Variants in CARS2 observed in about 807,000 individuals in gnomAD.
CARS2 encodes the protein cysteinyl-tRNA synthetase 2, mitochondrial.
CARS2 carries 52 observed loss-of-function variants against 68.8 expected under a neutral mutation model. That is an observed-to-expected ratio of 0.76 (90% CI 0.61 to 0.95). The LOEUF (loss-of-function observed/expected upper bound fraction) is 0.95, where lower values mean the gene tolerates loss of function less well. Ranked by LOEUF, CARS2 falls within the 40% of genes least tolerant of loss-of-function variation. The pLI is 0.00. For missense variants in CARS2, 780 were observed against 754.2 expected, an observed-to-expected ratio of 1.03 and a Z score of -0.40; for synonymous variants, 314 against 303.6, an observed-to-expected ratio of 1.03 and a Z score of -0.36.
intron 5 of CARS2, among the ~76,000 whole-genome samples, chr13:110,686,625 C>T (rs962218393): frequency 1.1e-4 from 16 of 151,394 alleles, no homozygotes; most frequent in African/African-American, 3.2e-4. Context: ...GGTGTGATCT[C>T]GGCTCACTGC....
chr13:110,642,418 G>A lies in CARS2; in HGVS notation c.1520C>T (p.Ala507Val), dbSNP rs1887478517. Reference sequence around the variant, plus strand: ...CTGCTGCCGCCGGGCGTCCCCCGTGGCCTCGGGCATGGCCAGCGCAAACTG... The same window carrying A: ...CTGCTGCCGCCGGGCGTCCCCCGTGACCTCGGGCATGGCCAGCGCAAACTG... ...VRQFALAMPE[A>V]TGDARRQQLL... Residue 507 changes from alanine to valine, a missense_variant, in exon 14 of 15, where the codon GCC (alanine) becomes GTC (valine). Coordinates refer to ENST00000257347, the MANE Select transcript of CARS2 (RefSeq NM_024537.4). 1.3e-6 allele frequency: 2 copies of A among 1,597,140 alleles called. No individual in the cohort carries two copies. Among genetic ancestry groups the A allele is most frequent in the South Asian group, 1.1e-5 (1 of 88,604 alleles).
chr13:110,711,211 G>T (rs2064024158), upstream of CARS2, among the ~76,000 whole-genome samples: 1 of 146,504 alleles, frequency 6.8e-6, no homozygotes, highest in South Asian at 2.2e-4. Flanking sequence ...TTATCTTGTC[G>T]TAGTCTTTTT....
At chr13:110,664,243 A>C (rs8000115) in intron 8 of CARS2, 1 of 978,224 alleles carries the variant, frequency 1.0e-6, no homozygotes, top group Non-Finnish European at 1.2e-6. Context: ...GCAGTGGCTC[A>C]CACCCGTAAT....
Position 110,642,422 on chromosome 13 carries a change from C to T in CARS2, c.1516G>A (p.Glu506Lys), listed in dbSNP as rs368624802. ...TGCCGCCGGGCGTCCCCCGTGGCCT[C>T]GGGCATGGCCAGCGCAAACTGCCGG... ...KVRQFALAMP[E>K]ATGDARRQQL... Residue 506 changes from glutamate to lysine, a missense_variant, in exon 14 of 15, where the codon GAG becomes AAG. By Grantham distance (56) the Glu-to-Lys change is moderately conservative. Coordinates refer to ENST00000257347, the MANE Select transcript of CARS2 (RefSeq NM_024537.4). 139 of 1,600,360 alleles carry T rather than the reference C, an allele frequency of 8.7e-5. No homozygotes were observed. The highest frequency in any genetic ancestry group is 8.3e-4 in the Middle Eastern group (5 of 6,048).
At position 110,676,641 on chromosome 13, in the gene CARS2, G is replaced by A. The variant is rs1174115084; in HGVS notation, c.785+333C>T. 2.0e-5 allele frequency among the ~76,000 whole-genome samples: 3 copies of A among 152,104 alleles called. No homozygotes were observed. Among genetic ancestry groups the A allele is most frequent in the South Asian group, 2.1e-4 (1 of 4,832 alleles). On this transcript the variant is annotated intron_variant, in intron 7 of 14. Transcript: ENST00000257347. The surrounding 1 kb of genome is among the most constrained non-coding windows in gnomAD (Gnocchi z 4.0). ...TTTGGGGGCTAGAGAAGTGCGAAGC[G>A]AGGAGGGATGTAGGTGCAAGCACTC...
At chr13:110,642,904 T>G in intron 13 of CARS2, 1 of 438,212 alleles carries the variant, frequency 2.3e-6, no homozygotes, top group East Asian at 5.4e-5. Context: ...GACTGAGCGC[T>G]TGCACACGTG....
chr13:110,642,544 A>G (rs778065573), intron 13 of CARS2, 23 bp from the exon 14 acceptor site: 10 of 1,604,920 alleles, frequency 6.2e-6, no homozygotes, highest in Non-Finnish European at 8.5e-6. Flanking sequence ...GGGCGCGGTT[A>G]CGTCCCCCGG....
chr13:110,647,099 A>G lies in CARS2; in HGVS notation c.1193+2T>C, dbSNP rs1399445572. 1.3e-6 allele frequency: 2 copies of G among 1,577,598 alleles called. No individual in the cohort carries two copies. Among genetic ancestry groups the G allele is most frequent in the South Asian group, 1.1e-5 (1 of 87,338 alleles). On this transcript the variant is annotated splice_donor_variant, in intron 11 of 14. Coordinates refer to ENST00000257347, the MANE Select transcript of CARS2 (RefSeq NM_024537.4). LOFTEE classifies it high-confidence loss of function. ...ACGCCGGGTGCTAGGCGGGCCTCTTACCTCTCCCACAGCATCGCTTCCCTG... is the reference window on the plus strand; with the variant it reads ...ACGCCGGGTGCTAGGCGGGCCTCTTGCCTCTCCCACAGCATCGCTTCCCTG...
At chr13:110,663,887 C>T (rs867138962) in intron 8 of CARS2, 6 of 1,025,786 alleles carry the variant, frequency 5.8e-6, no homozygotes, top group African/African-American at 1.7e-5. Context: ...TCTGAAGAAA[C>T]GACAAAGCTC....
intron 10 of CARS2, among the ~76,000 whole-genome samples, chr13:110,649,618 G>A (rs1262707968): frequency 6.6e-6 from 1 of 152,238 alleles, no homozygotes; most frequent in Non-Finnish European, 1.5e-5. Context: ...CATTAAAAAG[G>A]TGAAATCATC....
At chr13:110,667,254 T>C (rs1470792067) in intron 8 of CARS2, 86 bp downstream of exon 8, 13 of 1,228,136 alleles carry the variant, frequency 1.1e-5, no homozygotes, top group East Asian at 4.8e-5. Context: ...TGATCTACTA[T>C]GTATTTCCAA....
chr13:110,667,343 A>T lies in CARS2; in HGVS notation c.916T>A (p.Ser306Thr). The change falls in exon 8 of 15, where the codon TCT becomes ACT. Residue 306 changes from serine (S) to threonine (T), a missense_variant. By Grantham distance (58) the Ser-to-Thr change is moderately conservative (BLOSUM62 1). Transcript: ENST00000257347. ...TTAATCTGAAGTTATTACTTACCAG[A>T]ATGCAGAAAATAATTTCCCCACTGC... ...CEQWGNYFLH[S>T]GHLHAKGKEE... 6.2e-7 allele frequency: 1 copy of T among 1,610,464 alleles called. No homozygotes were observed. The highest frequency in any genetic ancestry group is 1.1e-5 in the South Asian group (1 of 89,998).
chr13:110,683,072 G>A lies in CARS2; in HGVS notation c.634C>T (p.Pro212Ser), dbSNP rs748268508. ...CCACCTGGCTCTCCGACTGGACCAGGGACCACGCCGACCAATTTGCCATAC... is the reference window on the plus strand; with the variant it reads ...CCACCTGGCTCTCCGACTGGACCAGAGACCACGCCGACCAATTTGCCATAC... ...DKYGKLVGVV[P>S]GPVGEPADSD... Residue 212 changes from proline to serine, a missense_variant, in exon 6 of 15, where the codon CCT (proline) becomes TCT (serine). Transcript: ENST00000257347. The A allele has an allele frequency of 9.4e-6, 15 of 1,602,262 alleles. No individual in the cohort carries two copies. In the Admixed American group the frequency reaches 2.6e-4, roughly 28 times the overall value.
At chr13:110,711,434 G>A (rs948835268), upstream of CARS2, among the ~76,000 whole-genome samples, 13 of 152,264 alleles carry the variant, frequency 8.5e-5, no homozygotes, top group South Asian at 1.5e-3. Flanking sequence ...AGCTGGTCCC[G>A]AACTCCTGAT....
chr13:110,696,320 G>C (rs1273268091), intron 3 of CARS2, among the ~76,000 whole-genome samples: 1 of 152,146 alleles, frequency 6.6e-6, no homozygotes, highest in Non-Finnish European at 1.5e-5. Flanking sequence ...GGTATTTCTG[G>C]TTCTAGATCC....
chr13:110,656,700 T>C (rs2062378328), intron 9 of CARS2, among the ~76,000 whole-genome samples: 1 of 152,058 alleles, frequency 6.6e-6, no homozygotes, highest in Non-Finnish European at 1.5e-5. Flanking sequence ...CTGGCTAACA[T>C]GGTGAAACCC....
chr13:110,693,381 A>G (rs1266889165), intron 3 of CARS2, among the ~76,000 whole-genome samples: 1 of 151,600 alleles, frequency 6.6e-6, no homozygotes, highest in East Asian at 1.9e-4. Flanking sequence ...TTTTTTTTTG[A>G]GGCAGTCTCG....
chr13:110,644,386 T>G lies in CARS2; in HGVS notation c.1415A>C (p.Gln472Pro). ...ETVGISLANQ[Q>P]YVSGDGSEAT... ...AGCATTTAAAATAATAGGACCTACC[T>G]GTTGATTTGCCAGAGAAATTCCAAC... The change falls in exon 13 of 15, where the codon CAG becomes CCG. Residue 472 changes from glutamine to proline, a missense_variant and splice_region_variant. Transcript: ENST00000257347. 6.2e-7 allele frequency: 1 copy of G among 1,613,178 alleles called. No individual in the cohort carries two copies.
chr13:110,693,510 C>T (rs891221930), intron 3 of CARS2, among the ~76,000 whole-genome samples: 9 of 152,108 alleles, frequency 5.9e-5, no homozygotes, highest in Admixed American at 5.2e-4. Flanking sequence ...CAGGTGCCCG[C>T]CACCACGCCC....
Sources: gnomAD v4.1 joint callset for allele counts (sites outside exome capture counted in the v4.1 genomes callset) on GRCh38, gnomAD v4.1.1 for gene constraint, Gnocchi (gnomAD v3.1) non-coding constraint, MANE v1.5 for transcripts, NCBI Gene and HGNC (gene_info 2026-07-23, HGNC 2026-07-21) for gene names.